The following TOPAZ1 variants were observed in gnomAD, a reference collection of about 807,000 sequenced individuals.
TOPAZ1 encodes protein TOPAZ1.
Under a neutral mutation model 172.2 loss-of-function variants are expected in TOPAZ1, and 66 were observed. The observed-to-expected ratio is 0.38, with a 90% CI of 0.31 to 0.47. TOPAZ1 has a LOEUF of 0.47. TOPAZ1 is among the 20% of genes least tolerant of loss of function. The pLI is 0.99. For missense variants in TOPAZ1, 1,822 were observed against 1,972.4 expected (o/e 0.92, Z 1.44); for synonymous variants, 681 against 683.9 (o/e 1.00, Z 0.07).
At chr3:44,259,857 T>C (rs1699755796) in intron 4 of TOPAZ1, among the ~76,000 whole-genome samples, 1 of 152,240 alleles carries the variant, frequency 6.6e-6, no homozygotes. Flanking sequence ...TATTGTTTTC[T>C]ATGAACTTGC....
At position 44,290,663 on chromosome 3, in the gene TOPAZ1, T is replaced by C. The variant is rs879200672; in HGVS notation, c.3682-108T>C. ...TTAAATGAGTTTTATTCCACTTGTC[T>C]CCATGTTTCACTTCTTCCATTAGTG... On this transcript the variant is annotated intron_variant, in intron 11 of 19. Coordinates refer to ENST00000309765, the MANE Select transcript of TOPAZ1 (RefSeq NM_001145030.2). 163 of 644,008 alleles carry C rather than the reference T, an allele frequency of 2.5e-4. No individual in the cohort carries two copies. The South Asian group carries it at 3.1e-3, about 12-fold the overall frequency. The allele number at this position is 644,008 out of a possible 1,614,324, so 39.9% of individuals were successfully genotyped here.
chr3:44,319,238 G>GA (rs999702008), intron 16 of TOPAZ1, among the ~76,000 whole-genome samples: 9 of 151,970 alleles, frequency 5.9e-5, no homozygotes, highest in African/African-American at 2.2e-4. Context: ...TGGCAACACA[G>GA]AAAAAAACAA....
chr3:44,268,366 C>CTTTTTTTTTT (rs34027226), intron 6 of TOPAZ1, among the ~76,000 whole-genome samples: 4 of 67,482 alleles, frequency 5.9e-5, no homozygotes, highest in African/African-American at 2.2e-4. Context: ...GGTGCCTATT[C>CTTTTTTTTTT]TTTTTTTTTT....
chr3:44,317,392 GCCTGGGCA>G (rs1700463248), intron 16 of TOPAZ1, among the ~76,000 whole-genome samples: 1 of 152,188 alleles, frequency 6.6e-6, no homozygotes, highest in Non-Finnish European at 1.5e-5. Flanking sequence ...CTGCACTTCA[GCCTGGGCA>G]AGAGAGCAAG....
At chr3:44,257,588 A>G (rs1699729761) in intron 4 of TOPAZ1, among the ~76,000 whole-genome samples, 1 of 150,728 alleles carries the variant, frequency 6.6e-6, no homozygotes. Flanking sequence ...GGTAGTAATT[A>G]CTTGATGATT....
In TOPAZ1 at chr3:44,332,023, T is replaced by G; in HGVS notation, c.*12T>G. ...TCAGTAACCATTAGCTAATAAAGTC[T>G]GCTTTTTTTTTTTTTTTAGTTCAAG... is the stretch of plus-strand genomic sequence containing the variant. On this transcript the variant is annotated 3_prime_UTR_variant, in exon 20 of 20. Transcript: ENST00000309765. The G allele has an allele frequency of 6.8e-7, 1 of 1,472,632 alleles. No individual in the cohort carries two copies. The highest frequency in any genetic ancestry group is 9.1e-7 in the Non-Finnish European group (1 of 1,102,948). The allele number at this position is 1,472,632 out of a possible 1,614,324, so 91.2% of individuals were successfully genotyped here.
Position 44,245,071 on chromosome 3 carries a change from A to G in TOPAZ1, c.2565A>G (p.Lys855=). Residue 855 remains lysine (K), a synonymous_variant, in exon 2 of 20, where the codon AAA becomes AAG. Transcript: ENST00000309765. ...FSEVGFPDIL[K]AYEDDVLLID... is the part of the protein sequence containing the mutation. Reference sequence around the variant, plus strand: ...AGGTAGGGTTTCCAGATATTCTTAAAGCATATGAAGATGACGTCCTCTTAA... The same window carrying G: ...AGGTAGGGTTTCCAGATATTCTTAAGGCATATGAAGATGACGTCCTCTTAA... 2 of 1,551,730 alleles carry G rather than the reference A, an allele frequency of 1.3e-6. No individual in the cohort carries two copies. Among genetic ancestry groups the G allele is most frequent in the South Asian group, 2.4e-5 (2 of 84,050 alleles).
chr3:44,334,970 G>A (rs1700707466), downstream of TOPAZ1, among the ~76,000 whole-genome samples: 1 of 152,112 alleles, frequency 6.6e-6, no homozygotes, highest in South Asian at 2.1e-4. Flanking sequence ...CACATAGTGT[G>A]ATTTCATGAT....
In TOPAZ1 at chr3:44,245,092, C is replaced by T. The variant is rs1434798862; in HGVS notation, c.2586C>T (p.Leu862=). 1.3e-6 allele frequency: 2 copies of T among 1,551,882 alleles called. No individual in the cohort carries two copies. Among genetic ancestry groups the T allele is most frequent in the East Asian group, 2.4e-5 (1 of 40,910 alleles). The change falls in exon 2 of 20, where the codon CTC becomes CTT. Residue 862 remains leucine, a synonymous_variant. Transcript: ENST00000309765. Reference sequence around the variant, plus strand: ...TTAAAGCATATGAAGATGACGTCCTCTTAATTGATGTAATTCAAGATGACC... The same window carrying T: ...TTAAAGCATATGAAGATGACGTCCTTTTAATTGATGTAATTCAAGATGACC... ...DILKAYEDDV[L]LIDVIQDDPD... is the part of the protein sequence containing the mutation.
At chr3:44,288,369 G>T (rs983640762) in intron 11 of TOPAZ1, among the ~76,000 whole-genome samples, 2 of 152,000 alleles carry the variant, frequency 1.3e-5, no homozygotes, top group African/African-American at 4.8e-5. Context: ...ACAATTGCTT[G>T]CCTAGAGATG....
intron 11 of TOPAZ1, among the ~76,000 whole-genome samples, chr3:44,290,109 G>C (rs1700120281): frequency 6.8e-6 from 1 of 147,380 alleles, no homozygotes; most frequent in South Asian, 2.1e-4. Flanking sequence ...CAACTAATAA[G>C]ACTGCCAGCT....
intron 8 of TOPAZ1, among the ~76,000 whole-genome samples, chr3:44,277,660 A>G (rs1586538): frequency 0.013 from 1,917 of 152,298 alleles, 37 homozygotes; most frequent in African/African-American, 0.041. Context: ...GTAATCTGCA[A>G]TCCTAAAGGT....
rs773000054 is a variant in TOPAZ1, at chr3:44,242,994, T to G, written c.488T>G (p.Ile163Arg). ...CAGTCTTTGGGTAAGGAAAGTATAA[T>G]AGAAGGTATTAAAAGAAGAATTCGA... ...CLQSLGKESIIEGIKRRIRNK... is the reference protein window; with the variant it reads ...CLQSLGKESIREGIKRRIRNK... Residue 163 changes from isoleucine to arginine, a missense_variant, in exon 2 of 20, where the codon ATA (isoleucine) becomes AGA (arginine). By Grantham distance (97) the Ile-to-Arg change is moderately conservative. Around this residue, in one of 2 missense-constraint regions of TOPAZ1, gnomAD observed 1,489 missense variants for 1,490.8 expected, o/e 1.00. Coordinates refer to ENST00000309765, the MANE Select transcript of TOPAZ1 (RefSeq NM_001145030.2). 3 of 1,549,004 alleles carry G rather than the reference T, an allele frequency of 1.9e-6. No individual in the cohort carries two copies. The South Asian group carries it at 3.6e-5, about 19-fold the overall frequency.
chr3:44,249,379 T>G (rs1462609272), intron 2 of TOPAZ1, among the ~76,000 whole-genome samples: 1 of 152,106 alleles, frequency 6.6e-6, no homozygotes, highest in Non-Finnish European at 1.5e-5. Context: ...CCTTGAAGTT[T>G]GGATTTTAGA....
At chr3:44,290,933 G>A in intron 12 of TOPAZ1, 47 bp downstream of exon 12, 2 of 1,253,706 alleles carry the variant, frequency 1.6e-6, no homozygotes, top group Non-Finnish European at 2.2e-6. Flanking sequence ...GTGTCTTGGT[G>A]GGGACTTATA....
At chr3:44,336,476 G>A (rs1700727998), downstream of TOPAZ1, among the ~76,000 whole-genome samples, 1 of 152,164 alleles carries the variant, frequency 6.6e-6, no homozygotes, top group South Asian at 2.1e-4. Flanking sequence ...AATCAGATTT[G>A]CCCTGGGATC....
At chr3:44,296,793 A>T (rs1700200475) in intron 12 of TOPAZ1, among the ~76,000 whole-genome samples, 1 of 149,812 alleles carries the variant, frequency 6.7e-6, no homozygotes, top group Non-Finnish European at 1.5e-5. Context: ...AACATTTACC[A>T]GCATATTTTG....
intron 4 of TOPAZ1, 133 bp from the exon 5 acceptor site, chr3:44,262,286 T>G (rs1035404774): frequency 2.6e-6 from 1 of 382,598 alleles, no homozygotes; most frequent in Non-Finnish European, 4.8e-6. Context: ...AGTAGAATTG[T>G]TTTTAGGGAT....
At chr3:44,316,077 T>G (rs1416326656) in intron 16 of TOPAZ1, among the ~76,000 whole-genome samples, 2 of 151,148 alleles carry the variant, frequency 1.3e-5, no homozygotes, top group Non-Finnish European at 2.9e-5. Flanking sequence ...TCTATGAAAT[T>G]TAAAAAAAAA....
Sources: gnomAD v4.1 joint callset for allele counts (sites outside exome capture counted in the v4.1 genomes callset) on GRCh38, gnomAD v4.1.1 for gene constraint, gnomAD v4.1.1 regional missense constraint, MANE v1.5 for transcripts, NCBI Gene and HGNC (gene_info 2026-07-23, HGNC 2026-07-21) for gene names.